The following SCRG1 variants were observed in gnomAD, a reference collection of about 807,000 sequenced individuals.
SCRG1 encodes the protein scrapie-responsive protein 1.
In SCRG1, 3 loss-of-function variants were observed where a neutral mutation model predicts 7.7. The ratio of observed to expected loss-of-function variants is 0.39; its 90% confidence interval spans 0.18 to 1.01. The LOEUF (loss-of-function observed/expected upper bound fraction) is 1.01, where lower values mean the gene tolerates loss of function less well. Among genes scored for constraint, SCRG1 ranks in the 50% least tolerant of loss-of-function variants. The pLI is 0.36. For missense variants in SCRG1, 110 were observed against 117.2 expected (o/e 0.94, Z 0.28); for synonymous variants, 46 against 41.2 (o/e 1.12, Z -0.44).
the SCRG1 span, among the ~76,000 whole-genome samples, chr4:173,489,091 AT>A: frequency 2.0e-5 from 3 of 152,200 alleles, no homozygotes; most frequent in African/African-American, 7.2e-5. Context: ...ATACACAATT[AT>A]TTCATCATCC....
chr4:173,388,469 TAGAC>T (rs1739315162), intron 2 of SCRG1, 74 bp from the exon 3 acceptor site: 1 of 989,696 alleles, frequency 1.0e-6, no homozygotes, highest in Non-Finnish European at 1.5e-6. Context: ...AGGTTAAAAA[TAGAC>T]AGTGATTTCC....
the SCRG1 span, among the ~76,000 whole-genome samples, chr4:173,481,225 G>A: frequency 3.3e-5 from 5 of 152,042 alleles, no homozygotes; most frequent in Non-Finnish European, 7.4e-5. Context: ...ATTTGCAGTG[G>A]TAACAGTGTC....
the SCRG1 span, among the ~76,000 whole-genome samples, chr4:173,485,027 T>TA: frequency 2.3e-4 from 5 of 22,126 alleles, no homozygotes; most frequent in Admixed American, 1.1e-3. Context: ...ATATATAATA[T>TA]ATTATATATT....
chr4:173,488,061 T>C, the SCRG1 span, among the ~76,000 whole-genome samples: 2 of 151,836 alleles, frequency 1.3e-5, no homozygotes, highest in African/African-American at 2.4e-5. Context: ...GATTACACCA[T>C]TGCACTCCAG....
intron 1 of SCRG1, among the ~76,000 whole-genome samples, chr4:173,394,751 TTGA>T (rs1739551385): frequency 6.6e-6 from 1 of 152,246 alleles, no homozygotes; most frequent in African/African-American, 2.4e-5. Flanking sequence ...ACTATGTTAT[TTGA>T]TGTCACAATT....
At chr4:173,393,299 A>G (rs17059376) in intron 1 of SCRG1, among the ~76,000 whole-genome samples, 2,110 of 152,270 alleles carry the variant, frequency 0.014, 51 homozygotes, top group African/African-American at 0.047. Context: ...TCACATTCTA[A>G]TTTGAGTTAG....
upstream of SCRG1, among the ~76,000 whole-genome samples, chr4:173,408,921 G>A (rs1245488482): frequency 6.6e-6 from 1 of 150,742 alleles, no homozygotes; most frequent in Non-Finnish European, 1.5e-5. Flanking sequence ...TGAACCCGGA[G>A]GCAGAGCTTG....
the SCRG1 span, among the ~76,000 whole-genome samples, chr4:173,434,759 A>C: frequency 2.7e-3 from 415 of 152,302 alleles, 5 homozygotes; most frequent in East Asian, 0.02. Context: ...CGAACCTGGG[A>C]GGCGGAGGTT....
the SCRG1 span, among the ~76,000 whole-genome samples, chr4:173,437,733 T>G: frequency 6.6e-6 from 1 of 152,218 alleles, no homozygotes; most frequent in African/African-American, 2.4e-5. Flanking sequence ...CTGATGACAA[T>G]CTTTCCTTTA....
At chr4:173,402,349 A>G (rs1739783163), upstream of SCRG1, among the ~76,000 whole-genome samples, 1 of 152,192 alleles carries the variant, frequency 6.6e-6, no homozygotes, top group Non-Finnish European at 1.5e-5. Context: ...CAAATTAGTG[A>G]TAAGACCAAT....
At chr4:173,479,564 C>T in the SCRG1 span, among the ~76,000 whole-genome samples, 1 of 150,636 alleles carries the variant, frequency 6.6e-6, no homozygotes, top group Non-Finnish European at 1.5e-5. Context: ...CCTCATCCTT[C>T]GAAATAGCTG....
chr4:173,489,578 C>A, the SCRG1 span, among the ~76,000 whole-genome samples: 5 of 151,764 alleles, frequency 3.3e-5, no homozygotes, highest in Non-Finnish European at 7.4e-5. Context: ...CTTCTGATTT[C>A]ATCCTAAAAT....
In SCRG1 at chr4:173,385,683, A is replaced by G. The variant is rs1739226446; in HGVS notation, c.*2658T>C. 6.6e-6 allele frequency: 1 copy of G among 152,118 alleles called. No homozygotes were observed. 9.4% of individuals were successfully genotyped at this position (152,118 alleles called of 1,614,324 possible). ...ATGAATAATTTATAAAATTTTATTT[A>G]TTAAATATTTAGCTTTGTTAGATAC... On this transcript the variant is annotated 3_prime_UTR_variant, in exon 3 of 3. Coordinates refer to ENST00000296506, the MANE Select transcript of SCRG1 (RefSeq NM_007281.4).
At chr4:173,435,112 A>G in the SCRG1 span, among the ~76,000 whole-genome samples, 2 of 93,962 alleles carry the variant, frequency 2.1e-5, no homozygotes, top group African/African-American at 8.6e-5. Context: ...AAATGCATAT[A>G]TATCTATGTG....
the SCRG1 span, among the ~76,000 whole-genome samples, chr4:173,488,192 G>A: frequency 6.6e-6 from 1 of 152,038 alleles, no homozygotes; most frequent in Non-Finnish European, 1.5e-5. Context: ...TATTTTCTGA[G>A]CTGAGCTAAG....
chr4:173,390,432 T>C (rs770365304), intron 2 of SCRG1, among the ~76,000 whole-genome samples: 4 of 151,980 alleles, frequency 2.6e-5, no homozygotes, highest in Non-Finnish European at 5.9e-5. Context: ...GTTCAGTTAA[T>C]TACTTGATCC....
chr4:173,405,060 T>C (rs1167635396), intron 1 of SCRG1, among the ~76,000 whole-genome samples: 2 of 152,152 alleles, frequency 1.3e-5, no homozygotes, highest in Non-Finnish European at 2.9e-5. Context: ...ATACTTTATT[T>C]ATTTGTACTT....
chr4:173,460,609 G>A, the SCRG1 span, among the ~76,000 whole-genome samples: 1 of 152,194 alleles, frequency 6.6e-6, no homozygotes, highest in Admixed American at 6.5e-5. Context: ...CCCAGTCCTG[G>A]CAACATTTAT....
chr4:173,385,170 A>C lies in SCRG1; in HGVS notation c.*3171T>G, dbSNP rs773274595. The C allele has an allele frequency of 6.6e-6, 1 of 152,204 alleles. No homozygotes were observed. The highest frequency in any genetic ancestry group is 1.9e-4 in the East Asian group (1 of 5,200). The allele number at this position is 152,204 out of a possible 1,614,324, so 9.4% of individuals were successfully genotyped here. ...AATAATAAAATTTTAATAAAAGCTTAGTTGTCTTATAACTAAAATCTATTG... is the reference window on the plus strand; with the variant it reads ...AATAATAAAATTTTAATAAAAGCTTCGTTGTCTTATAACTAAAATCTATTG... On this transcript the variant is annotated 3_prime_UTR_variant, in exon 3 of 3. Transcript: ENST00000296506.
Sources: allele counts gnomAD v4.1 joint callset (sites outside exome capture counted in the v4.1 genomes callset), GRCh38; gene constraint gnomAD v4.1.1; transcripts MANE v1.5; gene names NCBI Gene and HGNC (gene_info 2026-07-23, HGNC 2026-07-21).